FRMD4A: variants seen among roughly 807,000 people sequenced by gnomAD.
The protein encoded by FRMD4A is FERM domain-containing protein 4A.
A neutral mutation model predicts 129.1 loss-of-function variants in FRMD4A; 29 were observed. That is an observed-to-expected ratio of 0.22 (90% CI 0.17 to 0.31). FRMD4A has a LOEUF of 0.31. FRMD4A is among the 10% of genes least tolerant of loss of function. The pLI, the probability that FRMD4A is intolerant of heterozygous loss-of-function variation, is 1.00. For synonymous variants in FRMD4A, 634 were observed against 571.6 expected (o/e 1.11, Z -1.56); for missense variants, 1,272 against 1,375.8 (o/e 0.92, Z 1.19).
At chr10:14,025,458 T>G (rs1028574479) in intron 2 of FRMD4A, among the ~76,000 whole-genome samples, 8 of 152,216 alleles carry the variant, frequency 5.3e-5, no homozygotes, top group Non-Finnish European at 1.0e-4. Flanking sequence ...GATAGACTTG[T>G]TTATTTCATC....
intron 2 of FRMD4A, among the ~76,000 whole-genome samples, chr10:14,290,914 G>A (rs532215246): frequency 6.6e-6 from 1 of 152,134 alleles, no homozygotes; most frequent in East Asian, 1.9e-4. Flanking sequence ...TCAATAAAAG[G>A]TGTCTATTAT....
At chr10:13,927,953 A>C (rs1051033172) in intron 2 of FRMD4A, among the ~76,000 whole-genome samples, 2 of 152,064 alleles carry the variant, frequency 1.3e-5, no homozygotes, top group Admixed American at 1.3e-4. Context: ...ATTATAGCTC[A>C]ATGATCCATT....
At chr10:14,054,876 A>G (rs10906587) in intron 2 of FRMD4A, among the ~76,000 whole-genome samples, 72,174 of 151,722 alleles carry the variant, frequency 0.48, 17,792 homozygotes, top group Middle Eastern at 0.58. Flanking sequence ...TTTGCCTGCC[A>G]CCATGTAAGA....
chr10:13,676,357 G>A (rs2083990343), intron 15 of FRMD4A, among the ~76,000 whole-genome samples: 1 of 151,480 alleles, frequency 6.6e-6, no homozygotes, highest in South Asian at 2.1e-4. Flanking sequence ...CGCCTCCTAG[G>A]TTCAAGAGAT....
chr10:13,723,280 TATC>T, intron 12 of FRMD4A, among the ~76,000 whole-genome samples: 1 of 152,378 alleles, frequency 6.6e-6, no homozygotes, highest in Admixed American at 6.5e-5. Flanking sequence ...GTTTGTTTGA[TATC>T]ATGGAATAAT....
intron 15 of FRMD4A, chr10:13,693,486 G>A: frequency 1.7e-6 from 2 of 1,146,518 alleles, no homozygotes; most frequent in Non-Finnish European, 2.2e-6. Flanking sequence ...ACCCACCTGG[G>A]AGTAGAATGC....
intron 17 of FRMD4A, 86 bp downstream of exon 17, chr10:13,670,320 A>G: frequency 1.4e-6 from 2 of 1,402,000 alleles, no homozygotes; most frequent in Non-Finnish European, 2.0e-6. Flanking sequence ...AAATGAAGAA[A>G]TTGGTACAGA....
chr10:13,728,273 G>A (rs2090055369), intron 12 of FRMD4A, among the ~76,000 whole-genome samples: 1 of 152,052 alleles, frequency 6.6e-6, no homozygotes, highest in African/African-American at 2.4e-5. Context: ...ACCCCCATGT[G>A]GTGGGCAAGA....
At chr10:14,138,489 G>A (rs534193367) in intron 2 of FRMD4A, among the ~76,000 whole-genome samples, 116 of 151,704 alleles carry the variant, frequency 7.6e-4, no homozygotes, top group African/African-American at 2.5e-3. Context: ...GGCCGGACGC[G>A]GTGGCTCACA....
At chr10:13,878,345 A>T (rs1477314586) in intron 2 of FRMD4A, among the ~76,000 whole-genome samples, 2 of 151,976 alleles carry the variant, frequency 1.3e-5, no homozygotes, top group Admixed American at 6.6e-5. Context: ...TGGGCTCCTG[A>T]TCTTTGCACT....
chr10:13,795,337 T>A (rs1388635171), intron 5 of FRMD4A, among the ~76,000 whole-genome samples: 1 of 152,234 alleles, frequency 6.6e-6, no homozygotes, highest in African/African-American at 2.4e-5. Context: ...TAAGATGAGC[T>A]TGGATATGTT....
At chr10:13,844,168 T>A (rs535555971) in intron 3 of FRMD4A, among the ~76,000 whole-genome samples, 1 of 152,194 alleles carries the variant, frequency 6.6e-6, no homozygotes, top group African/African-American at 2.4e-5. Flanking sequence ...TATATGTATG[T>A]GAGTGTGTGT....
chr10:14,121,965 A>G (rs963649103), intron 2 of FRMD4A, among the ~76,000 whole-genome samples: 2 of 152,206 alleles, frequency 1.3e-5, no homozygotes, highest in Non-Finnish European at 2.9e-5. Context: ...ATGCCAAGAT[A>G]TGGAAAGCCT....
chr10:13,645,206 C>G lies in FRMD4A; in HGVS notation c.*1832G>C, dbSNP rs2134282382. 1 of 152,318 alleles carries G rather than the reference C, an allele frequency of 6.6e-6. No homozygotes were observed. Among genetic ancestry groups the G allele is most frequent in the East Asian group, 1.9e-4 (1 of 5,184 alleles). 9.4% of individuals were successfully genotyped at this position (152,318 alleles called of 1,614,324 possible). A position where few individuals can be genotyped will look rare whatever the true frequency, so the allele number is the denominator to read the frequency against. ...TAGAGCCTATGGTTATTCTTGGATT[C>G]CACATACATGAAAAGCGAAGATTTT... On this transcript the variant is annotated 3_prime_UTR_variant, in exon 25 of 25. Coordinates refer to ENST00000357447, the MANE Select transcript of FRMD4A (RefSeq NM_018027.5).
rs398012865 is a variant in FRMD4A, at chr10:13,965,065, A to ATTTTT, written c.46-106158_46-106154dup. Among the ~76,000 whole-genome samples, 10 of 141,104 alleles carry ATTTTT rather than the reference A, an allele frequency of 7.1e-5. No homozygotes were observed. The East Asian group carries it at 1.9e-3, about 26-fold the overall frequency. 92.6% of individuals were successfully genotyped at this position (141,104 alleles called of 152,430 possible). ...GGTAACATTGGAATGACCACTGGGC[A>ATTTTT]TTTTTTTTTTTTTTTTGAATTCAGC... On this transcript the variant is annotated intron_variant, in intron 2 of 24. Transcript: ENST00000357447.
intron 4 of FRMD4A, among the ~76,000 whole-genome samples, chr10:13,799,292 G>T (rs1398012525): frequency 6.6e-5 from 10 of 152,270 alleles, no homozygotes; most frequent in Admixed American, 5.2e-4. Context: ...TGAGTAGCTG[G>T]GACTACAGGC....
At chr10:14,321,077 T>C (rs1459356924) in intron 2 of FRMD4A, among the ~76,000 whole-genome samples, 1 of 152,232 alleles carries the variant, frequency 6.6e-6, no homozygotes, top group Non-Finnish European at 1.5e-5. Flanking sequence ...TTTATTTTTG[T>C]CTTTTCCCAG....
intron 2 of FRMD4A, among the ~76,000 whole-genome samples, chr10:14,089,662 A>G (rs1836543712): frequency 6.6e-6 from 1 of 151,242 alleles, no homozygotes. Flanking sequence ...AAACAGAAGA[A>G]AGAAATAAAA....
chr10:13,883,393 A>C lies in FRMD4A; in HGVS notation c.46-24481T>G, dbSNP rs139800938. On this transcript the variant is annotated intron_variant, in intron 2 of 24. Transcript: ENST00000357447. ...TGTAATCCCAGCTACTCGGGAGGCT[A>C]AGGCAGGATAACTTCTTGAACCTGG... Among the ~76,000 whole-genome samples the C allele has an allele frequency of 6.7e-3, 1,013 of 152,104 alleles. 15 individuals carry two copies. Among genetic ancestry groups the C allele is most frequent in the African/African-American group, 0.023 (957 of 41,502 alleles).
Sources: allele counts gnomAD v4.1 joint callset (sites outside exome capture counted in the v4.1 genomes callset), GRCh38; gene constraint gnomAD v4.1.1; transcripts MANE v1.5; gene names NCBI Gene and HGNC (gene_info 2026-07-23, HGNC 2026-07-21).